The following IFI44L variants were observed in gnomAD, a reference collection of about 807,000 sequenced individuals.
The protein encoded by IFI44L is interferon induced protein 44 like.
Under a neutral mutation model 39.3 loss-of-function variants are expected in IFI44L, and 40 were observed. That is an observed-to-expected ratio of 1.02 (90% confidence interval 0.79 to 1.33). IFI44L has a LOEUF of 1.33. IFI44L is among the 40% of genes most tolerant of loss of function. The pLI, the probability that IFI44L is intolerant of heterozygous loss-of-function variation, is 0.00. For missense variants in IFI44L, 623 were observed against 549.0 expected, an observed-to-expected ratio of 1.13 and a Z score of -1.35; for synonymous variants, 198 against 182.3, an observed-to-expected ratio of 1.09 and a Z score of -0.69.
At chr1:78,634,660 A>T (rs1279349215) in intron 4 of IFI44L, among the ~76,000 whole-genome samples, 1 of 152,152 alleles carries the variant, frequency 6.6e-6, no homozygotes, top group Non-Finnish European at 1.5e-5. Context: ...ACTCACTGGT[A>T]AAACTACAGT....
rs1264543673 is a variant in IFI44L, at chr1:78,644,807, ATGT to A, written c.*3002_*3004del. On this transcript the variant is annotated 3_prime_UTR_variant, in exon 9 of 9. Coordinates refer to ENST00000370751, the MANE Select transcript of IFI44L (RefSeq NM_006820.4). ...AGAATATCATCTTAAAGTGAGAGTG[ATGT>A]TGTGGAGACAGTTGAAATGTCAATG... 6.6e-6 allele frequency: 1 copy of A among 152,232 alleles called. No individual in the cohort carries two copies. Among genetic ancestry groups the A allele is most frequent in the Non-Finnish European group, 1.5e-5 (1 of 68,032 alleles). 9.4% of individuals were successfully genotyped at this position (152,232 alleles called of 1,614,324 possible).
At chr1:78,635,736 A>G in intron 5 of IFI44L, 4 of 495,306 alleles carry the variant, frequency 8.1e-6, no homozygotes, top group Non-Finnish European at 1.4e-5. Flanking sequence ...AAGATCAAGG[A>G]GATAGTGTGT....
rs764586937 is a variant in IFI44L, at chr1:78,635,324, AT to A, written c.724-6del. 3.2e-6 allele frequency: 5 copies of A among 1,559,598 alleles called. No homozygotes were observed. The highest frequency in any genetic ancestry group is 2.7e-5 in the African/African-American group (2 of 73,422). ...ATGAATGAACCTTTACACTTAATGT[AT>A]TTTTTTAACAGTATAGGATATATTC... On this transcript the variant is annotated splice_polypyrimidine_tract_variant and intron_variant, in intron 4 of 8. Coordinates refer to ENST00000370751, the MANE Select transcript of IFI44L (RefSeq NM_006820.4).
intron 1 of IFI44L, chr1:78,626,667 T>A (rs1010815112): frequency 5.9e-5 from 9 of 152,158 alleles, no homozygotes; most frequent in African/African-American, 2.2e-4. Context: ...TCCCTGTACC[T>A]CTTTTCTTAA....
chr1:78,633,229 A>G (rs1652818996), intron 4 of IFI44L, among the ~76,000 whole-genome samples: 2 of 152,190 alleles, frequency 1.3e-5, no homozygotes, highest in African/African-American at 4.8e-5. Context: ...TGAGCACAGG[A>G]CTTTGCCTGG....
intron 6 of IFI44L, 34 bp from the exon 7 acceptor site, chr1:78,640,987 G>C: frequency 7.0e-7 from 1 of 1,420,972 alleles, no homozygotes. Flanking sequence ...TGCTATTTAT[G>C]ATATAAAATA....
At chr1:78,629,106 TA>T in intron 3 of IFI44L, 107 bp downstream of exon 3, 2 of 751,920 alleles carry the variant, frequency 2.7e-6, no homozygotes, top group Non-Finnish European at 4.7e-6. Context: ...CTGGAATGAT[TA>T]AAAAAGAGTT....
chr1:78,641,645 C>T, intron 8 of IFI44L, 36 bp downstream of exon 8: 1 of 1,611,510 alleles, frequency 6.2e-7, no homozygotes, highest in Non-Finnish European at 8.5e-7. Context: ...TCATAGATCA[C>T]TGGTGCCTTT....
Position 78,625,453 on chromosome 1 carries a change from G to A in IFI44L, c.-10-2453G>A, listed in dbSNP as rs575020623. ...TTGTTTATCTTCAGACCATTTTATC[G>A]TTTATCATTTATTGCATCTGGACTG... On this transcript the variant is annotated intron_variant, in intron 1 of 8. Coordinates refer to ENST00000370751, the MANE Select transcript of IFI44L (RefSeq NM_006820.4). Among the ~76,000 whole-genome samples, 57 of 151,932 alleles carry A rather than the reference G, an allele frequency of 3.8e-4. 1 individual carries two copies. The highest frequency in any genetic ancestry group is 5.9e-4 in the Admixed American group (9 of 15,228).
intron 6 of IFI44L, among the ~76,000 whole-genome samples, chr1:78,637,770 C>T (rs999337331): frequency 2.0e-5 from 3 of 152,004 alleles, no homozygotes; most frequent in Admixed American, 2.0e-4. Flanking sequence ...CCTTTGACAT[C>T]CATCCAAGAT....
rs76598202 is a variant in IFI44L, at chr1:78,630,393, A to G, written c.723+478A>G. Among the ~76,000 whole-genome samples, 991 of 152,222 alleles carry G rather than the reference A, an allele frequency of 6.5e-3. 13 individuals are homozygous for G. The highest frequency in any genetic ancestry group is 0.022 in the African/African-American group (932 of 41,542). Reference sequence around the variant, plus strand: ...ACTTTGAAGGAGAACTTGAAGTGTAAATCTTACAAAAACTATCTTATTTAC... The same window carrying G: ...ACTTTGAAGGAGAACTTGAAGTGTAGATCTTACAAAAACTATCTTATTTAC... On this transcript the variant is annotated intron_variant, in intron 4 of 8. Coordinates refer to ENST00000370751, the MANE Select transcript of IFI44L (RefSeq NM_006820.4).
Position 78,642,958 on chromosome 1 carries a change from GAA to G in IFI44L, c.*1152_*1153del, listed in dbSNP as rs1388997525. On this transcript the variant is annotated 3_prime_UTR_variant, in exon 9 of 9. Coordinates refer to ENST00000370751, the MANE Select transcript of IFI44L (RefSeq NM_006820.4). ...TGTGAAAGCTAGTACTATTAAGAAA[GAA>G]AACAAAATTCCCAAAAGATAGCTTT... 1 of 151,676 alleles carries G rather than the reference GAA, an allele frequency of 6.6e-6. No homozygotes were observed. The highest frequency in any genetic ancestry group is 1.5e-5 in the Non-Finnish European group (1 of 67,910). The allele number at this position is 151,676 out of a possible 1,614,324, so 9.4% of individuals were successfully genotyped here.
chr1:78,640,605 G>T (rs1269813721), intron 6 of IFI44L, among the ~76,000 whole-genome samples: 2 of 152,110 alleles, frequency 1.3e-5, no homozygotes, highest in African/African-American at 4.8e-5. Context: ...GTTTGAGGGA[G>T]AAAGGAGTAG....
Position 78,641,028 on chromosome 1 carries a change from A to G in IFI44L, c.1056A>G (p.Ala352=), listed in dbSNP as rs368206865. ...VHKEVLNCGI[A]YVALLTKVDD... is the part of the protein sequence containing the mutation. ...TTTATCTATTTGATATAGGTATAGC[A>G]TATGTGGCCTTGCTTACTAAAGTGG... is the stretch of plus-strand genomic sequence containing the variant. The change falls in exon 7 of 9, where the codon GCA becomes GCG. Residue 352 remains alanine (A), a synonymous_variant. Transcript: ENST00000370751. 1.1e-5 allele frequency: 17 copies of G among 1,606,224 alleles called. No individual in the cohort carries two copies. The highest frequency in any genetic ancestry group is 7.7e-5 in the South Asian group (7 of 90,910).
chr1:78,629,003 A>T lies in IFI44L; in HGVS notation c.527+4A>T. ...AGAGGATAATTAAAGCCAGAGAGTA[A>T]GTTGGATTCTTGGGCTATCTATTAA... is the stretch of plus-strand genomic sequence containing the variant. On this transcript the variant is annotated splice_donor_region_variant and intron_variant, in intron 3 of 8. Coordinates refer to ENST00000370751, the MANE Select transcript of IFI44L (RefSeq NM_006820.4). The T allele has an allele frequency of 1.3e-6, 2 of 1,568,580 alleles. No individual in the cohort carries two copies. Among genetic ancestry groups the T allele is most frequent in the Non-Finnish European group, 1.8e-6 (2 of 1,139,224 alleles).
chr1:78,641,153 T>A, intron 7 of IFI44L, 32 bp downstream of exon 7: 1 of 1,381,100 alleles, frequency 7.2e-7, no homozygotes, highest in African/African-American at 1.4e-5. Context: ...CAGATATTAT[T>A]GTAATAGTAT....
In IFI44L at chr1:78,644,924, T is replaced by G. The variant is rs1647030998; in HGVS notation, c.*3115T>G. 1 of 152,192 alleles carries G rather than the reference T, an allele frequency of 6.6e-6. No homozygotes were observed. The highest frequency in any genetic ancestry group is 1.5e-5 in the Non-Finnish European group (1 of 68,038). The allele number at this position is 152,192 out of a possible 1,614,324, so 9.4% of individuals were successfully genotyped here. On this transcript the variant is annotated 3_prime_UTR_variant, in exon 9 of 9. Coordinates refer to ENST00000370751, the MANE Select transcript of IFI44L (RefSeq NM_006820.4). ...CAGAAATTTGTAGCTTTGTGCAAAC[T>G]CACCCACCATCTACCTCAATAAAAT... is the stretch of plus-strand genomic sequence containing the variant.
In IFI44L at chr1:78,644,225, T is replaced by C. The variant is rs565163227; in HGVS notation, c.*2416T>C. 6.6e-6 allele frequency: 1 copy of C among 152,302 alleles called. No individual in the cohort carries two copies. The highest frequency in any genetic ancestry group is 1.9e-4 in the East Asian group (1 of 5,180). 9.4% of individuals were successfully genotyped at this position (152,302 alleles called of 1,614,324 possible). A position where few individuals can be genotyped will look rare whatever the true frequency, so the allele number is the denominator to read the frequency against. The stretch of plus-strand genomic sequence containing the variant: ...ATCTGGGCAGAATGTAGGACTTCTT[T>C]ATTTTGTTTAAAGGGGTAACACAGA... On this transcript the variant is annotated 3_prime_UTR_variant, in exon 9 of 9. Coordinates refer to ENST00000370751, the MANE Select transcript of IFI44L (RefSeq NM_006820.4).
At position 78,635,223 on chromosome 1, in the gene IFI44L, A is replaced by G. The variant is rs78450581; in HGVS notation, c.724-114A>G. On this transcript the variant is annotated intron_variant, in intron 4 of 8. Transcript: ENST00000370751. ...AGAGTCTAAAGGGGTCCTGAGACCA[A>G]ACTGTTTGAGGACCATGGTGTTCAA... 5,052 of 808,840 alleles carry G rather than the reference A, an allele frequency of 6.2e-3. 18 individuals are homozygous for G. The highest frequency in any genetic ancestry group is 8.4e-3 in the Non-Finnish European group (4,307 of 515,308). 50.1% of individuals were successfully genotyped at this position (808,840 alleles called of 1,614,324 possible).
Sources: allele counts gnomAD v4.1 joint callset (sites outside exome capture counted in the v4.1 genomes callset), GRCh38; gene constraint gnomAD v4.1.1; transcripts MANE v1.5; gene names NCBI Gene and HGNC (gene_info 2026-07-23, HGNC 2026-07-21).